Variants in PDE8B observed in about 807,000 individuals in gnomAD.
PDE8B encodes the protein phosphodiesterase 8B.
A neutral mutation model predicts 101.3 loss-of-function variants in PDE8B; 26 were observed. The observed-to-expected ratio is 0.26, with a 90% CI of 0.19 to 0.36. PDE8B has a LOEUF of 0.36. Among genes scored for constraint, PDE8B ranks in the 10% least tolerant of loss-of-function variants. PDE8B has a pLI of 1.00. For synonymous variants in PDE8B, 424 were observed against 429.3 expected, an observed-to-expected ratio of 0.99 and a Z score of 0.15; for missense variants, 810 against 1,163.1, an observed-to-expected ratio of 0.70 and a Z score of 4.42.
At chr5:77,374,720 G>C (rs1007884844) in intron 10 of PDE8B, among the ~76,000 whole-genome samples, 1 of 152,198 alleles carries the variant, frequency 6.6e-6, no homozygotes, top group East Asian at 1.9e-4. Context: ...TGCCTTAAAT[G>C]CATGTGTTTT....
chr5:77,275,075 A>G (rs1339906007), intron 1 of PDE8B, among the ~76,000 whole-genome samples: 1 of 152,156 alleles, frequency 6.6e-6, no homozygotes, highest in Admixed American at 6.5e-5. Flanking sequence ...ACACACACAC[A>G]CTAGTTGAGT....
intron 20 of PDE8B, among the ~76,000 whole-genome samples, chr5:77,423,632 GTTTTTT>G (rs71594634): frequency 2.7e-4 from 20 of 74,042 alleles, no homozygotes; most frequent in African/African-American, 5.2e-4. Context: ...GTTTTGTTTA[GTTTTTT>G]TTTTTTTTTT....
At chr5:77,343,815 G>T (rs1348577090) in intron 6 of PDE8B, among the ~76,000 whole-genome samples, 4 of 146,962 alleles carry the variant, frequency 2.7e-5, no homozygotes, top group Admixed American at 2.0e-4. Flanking sequence ...TTTCACAGCT[G>T]TACAAAAAAA....
the PDE8B span, among the ~76,000 whole-genome samples, chr5:77,204,133 G>A: frequency 6.7e-6 from 1 of 150,290 alleles, no homozygotes; most frequent in African/African-American, 2.5e-5. Flanking sequence ...ATGGAGGCTG[G>A]GCGCAGTGGC....
chr5:77,149,777 C>T, the PDE8B span, among the ~76,000 whole-genome samples: 4 of 152,086 alleles, frequency 2.6e-5, no homozygotes, highest in Non-Finnish European at 2.9e-5. Flanking sequence ...GTTTTCTATA[C>T]GCAAGATTAT....
chr5:77,151,077 T>C, the PDE8B span: 1 of 152,300 alleles, frequency 6.6e-6, no homozygotes, highest in Non-Finnish European at 1.5e-5. Flanking sequence ...GTTCTGTTTC[T>C]GGACATACAG....
At chr5:77,237,512 A>G (rs1386835053) in intron 1 of PDE8B, among the ~76,000 whole-genome samples, 2 of 152,134 alleles carry the variant, frequency 1.3e-5, no homozygotes, top group African/African-American at 4.8e-5. Flanking sequence ...AGAAATCTTC[A>G]TGTGTGTCTT....
At chr5:77,151,002 T>C in the PDE8B span, among the ~76,000 whole-genome samples, 1,483 of 152,340 alleles carry the variant, frequency 9.7e-3, 29 homozygotes, top group African/African-American at 0.034. Context: ...ATCCATAGAA[T>C]TGTGTTTATA....
In PDE8B at chr5:77,210,996, G is replaced by A. The variant is rs776010492; in HGVS notation, c.71G>A (p.Ser24Asn). 2 of 1,546,204 alleles carry A rather than the reference G, an allele frequency of 1.3e-6. No homozygotes were observed. Among genetic ancestry groups the A allele is most frequent in the African/African-American group, 1.4e-5 (1 of 70,568 alleles). Residue 24 changes from serine (S) to asparagine (N), a missense_variant, in exon 1 of 22, where the codon AGC (serine) becomes AAC (asparagine). Ser to Asn is a conservative substitution (Grantham distance 46). Around this residue, in one of 4 missense-constraint regions of PDE8B, gnomAD observed 159 missense variants for 146.6 expected, o/e 1.08. Transcript: ENST00000264917. The surrounding 1 kb of genome is among the most constrained non-coding windows in gnomAD (Gnocchi z 4.9). ...VIYCRDSDES[S>N]SPRQTTSVSQ... ...TACTGCCGGGACTCGGACGAGTCCA[G>A]CTCGCCCCGCCAGACCACCAGCGTG...
chr5:77,153,871 G>A, the PDE8B span, among the ~76,000 whole-genome samples: 1 of 152,068 alleles, frequency 6.6e-6, no homozygotes, highest in Non-Finnish European at 1.5e-5. Flanking sequence ...CACCATGCCC[G>A]GCCCAGCTGT....
At chr5:77,114,214 A>G in the PDE8B span, 1 of 152,216 alleles carries the variant, frequency 6.6e-6, no homozygotes, top group Non-Finnish European at 1.5e-5. Context: ...ATGCACACAT[A>G]TGTTTATTGT....
chr5:77,418,416 C>G lies in PDE8B; in HGVS notation c.2099C>G (p.Thr700Ser). 1 of 1,613,754 alleles carries G rather than the reference C, an allele frequency of 6.2e-7. No homozygotes were observed. The highest frequency in any genetic ancestry group is 8.5e-7 in the Non-Finnish European group (1 of 1,179,722). Residue 700 changes from threonine (T) to serine (S), a missense_variant, in exon 18 of 22, where the codon ACC becomes AGC. Physicochemically the swap from Thr to Ser is moderately conservative, Grantham distance 58. This residue lies in a region of PDE8B where 325 missense variants were observed against 560.9 expected (regional missense o/e 0.58). Coordinates refer to ENST00000264917, the MANE Select transcript of PDE8B (RefSeq NM_003719.5). Reference sequence around the variant, plus strand: ...GCCTTCCAGCTCACGGTCAAGGACACCAAATGCAACATTTTCAAGAATATT... The same window carrying G: ...GCCTTCCAGCTCACGGTCAAGGACAGCAAATGCAACATTTTCAAGAATATT... The part of the protein sequence containing the change: ...ALAFQLTVKD[T>S]KCNIFKNIDR...
At chr5:77,258,625 C>A (rs956051530) in intron 1 of PDE8B, among the ~76,000 whole-genome samples, 2 of 152,198 alleles carry the variant, frequency 1.3e-5, no homozygotes, top group African/African-American at 4.8e-5. Context: ...TCCTCCCATC[C>A]CTTCTTTCAA....
chr5:77,320,793 G>A (rs1398512500), intron 2 of PDE8B, among the ~76,000 whole-genome samples: 3 of 152,038 alleles, frequency 2.0e-5, no homozygotes, highest in Non-Finnish European at 4.4e-5. Flanking sequence ...ATATTTTGCA[G>A]AATCATTTAT....
intron 15 of PDE8B, 150 bp from the exon 16 acceptor site, chr5:77,411,950 A>AACTCTGT: frequency 2.4e-6 from 2 of 819,614 alleles, no homozygotes; most frequent in Non-Finnish European, 4.1e-6. Context: ...AAAGTGAATT[A>AACTCTGT]TTTTTCTATT....
At chr5:77,358,611 T>C (rs1782544511) in intron 10 of PDE8B, among the ~76,000 whole-genome samples, 1 of 152,278 alleles carries the variant, frequency 6.6e-6, no homozygotes, top group Non-Finnish European at 1.5e-5. Context: ...ATGCAACTTC[T>C]GTCTTATCCC....
At chr5:77,138,065 C>T in the PDE8B span, among the ~76,000 whole-genome samples, 1 of 152,168 alleles carries the variant, frequency 6.6e-6, no homozygotes, top group African/African-American at 2.4e-5. Flanking sequence ...CTTCCCTACT[C>T]CCCTTGGACT....
At position 77,411,417 on chromosome 5, in the gene PDE8B, A is replaced by AC. The variant is rs934129107; in HGVS notation, c.1531-256dup. 7.9e-5 allele frequency among the ~76,000 whole-genome samples: 12 copies of AC among 152,272 alleles called. No homozygotes were observed. The South Asian group carries it at 1.5e-3, about 18-fold the overall frequency. ...GGAAGATGGCCTCAGAACAGAGCCA[A>AC]CCCACAGCTCACTGTGAGTCCTGAC... On this transcript the variant is annotated intron_variant, in intron 14 of 21. Coordinates refer to ENST00000264917, the MANE Select transcript of PDE8B (RefSeq NM_003719.5).
chr5:77,147,196 C>G, the PDE8B span: 1 of 318,364 alleles, frequency 3.1e-6, no homozygotes, highest in Non-Finnish European at 6.5e-6. Context: ...TTTTTCTTGT[C>G]TAGAAAGCAT....
Sources: allele counts gnomAD v4.1 joint callset (sites outside exome capture counted in the v4.1 genomes callset), GRCh38; gene constraint gnomAD v4.1.1; regional missense constraint gnomAD v4.1.1; non-coding constraint Gnocchi (gnomAD v3.1); transcripts MANE v1.5; gene names NCBI Gene and HGNC (gene_info 2026-07-23, HGNC 2026-07-21).